VWA5B1: variants seen among roughly 807,000 people sequenced by gnomAD.
VWA5B1 encodes von Willebrand factor A domain containing 5B1.
Under a neutral mutation model 118.2 loss-of-function variants are expected in VWA5B1, and 115 were observed. The observed-to-expected ratio is 0.97, with a 90% CI of 0.84 to 1.14. The LOEUF (loss-of-function observed/expected upper bound fraction) is 1.14. Among genes scored for constraint, VWA5B1 ranks in the 50% most tolerant of loss-of-function variants. The pLI, the probability that VWA5B1 is intolerant of heterozygous loss-of-function variation, is 0.00. For missense variants in VWA5B1, 1,596 were observed against 1,603.8 expected, an observed-to-expected ratio of 1.00 and a Z score of 0.08; for synonymous variants, 682 against 658.4, an observed-to-expected ratio of 1.04 and a Z score of -0.55.
chr1:20,305,734 C>A (rs1016857891), intron 1 of VWA5B1, among the ~76,000 whole-genome samples: 2 of 151,872 alleles, frequency 1.3e-5, no homozygotes, highest in Non-Finnish European at 2.9e-5. Context: ...GGTTTGATGG[C>A]CTGTTACAAG....
intron 1 of VWA5B1, among the ~76,000 whole-genome samples, chr1:20,308,156 G>A (rs1487690462): frequency 1.3e-5 from 2 of 152,120 alleles, no homozygotes; most frequent in African/African-American, 2.4e-5. Flanking sequence ...TGCATTATTC[G>A]CTTAGGCTAA....
intron 1 of VWA5B1, among the ~76,000 whole-genome samples, chr1:20,305,521 G>A (rs1292418815): frequency 6.6e-6 from 1 of 152,014 alleles, no homozygotes; most frequent in Non-Finnish European, 1.5e-5. Flanking sequence ...CAAGGAGAAG[G>A]GTTTTGACAG....
chr1:20,327,664 ATGGTGGTGGTGG>A lies in VWA5B1; in HGVS notation c.1144-204_1144-193del, dbSNP rs112567851. Among the ~76,000 whole-genome samples, 383 of 144,936 alleles carry A rather than the reference ATGGTGGTGGTGG, an allele frequency of 2.6e-3. 1 individual carries two copies. The highest frequency in any genetic ancestry group is 0.017 in the Middle Eastern group (5 of 290). ...GACGACGACGACGATGATGATGATG[ATGGTGGTGGTGG>A]TGGTGGTGGTGGTGGTGGTGGCTTT... On this transcript the variant is annotated intron_variant, in intron 8 of 21. Transcript: ENST00000289815.
rs183605496 is a variant in VWA5B1, at chr1:20,333,838, C to T, written c.1758+887C>T. On this transcript the variant is annotated intron_variant, in intron 12 of 21. Transcript: ENST00000289815. ...CCTCTTTCGTGAGTCTGTCCACTCT[C>T]TCTAAAGGATTTCTCATCTTGTTTT... Among the ~76,000 whole-genome samples the T allele has an allele frequency of 3.2e-3, 483 of 152,326 alleles. 2 individuals carry two copies. The highest frequency in any genetic ancestry group is 2.6e-3 in the Non-Finnish European group (180 of 68,022).
intron 1 of VWA5B1, among the ~76,000 whole-genome samples, chr1:20,301,788 T>C (rs2088510140): frequency 7.9e-5 from 12 of 152,190 alleles, no homozygotes; most frequent in Admixed American, 7.8e-4. Context: ...CTTGCAAACA[T>C]GCCCCCAGAA....
chr1:20,299,647 A>G (rs530163311), intron 1 of VWA5B1, among the ~76,000 whole-genome samples: 4 of 152,144 alleles, frequency 2.6e-5, no homozygotes, highest in Non-Finnish European at 5.9e-5. Flanking sequence ...TAAGCGATCC[A>G]CGCACCTCAG....
intron 9 of VWA5B1, among the ~76,000 whole-genome samples, chr1:20,329,145 A>G (rs2089469952): frequency 6.6e-6 from 1 of 152,104 alleles, no homozygotes; most frequent in Non-Finnish European, 1.5e-5. Context: ...TTATTTAGTC[A>G]TCTTTGTATC....
At chr1:20,303,056 C>T (rs2088542131) in intron 1 of VWA5B1, 1 of 152,214 alleles carries the variant, frequency 6.6e-6, no homozygotes, top group African/African-American at 2.4e-5. Flanking sequence ...CAGACCAGAT[C>T]CAGAGAACCT....
chr1:20,309,182 T>TGTGAAGCCAAAGTCGAATCAAG (rs1434236994), intron 1 of VWA5B1, among the ~76,000 whole-genome samples: 8 of 152,114 alleles, frequency 5.3e-5, no homozygotes, highest in Admixed American at 1.3e-4. Context: ...CAAAGGGGGT[T>TGTGAAGCCAAAGTCGAATCAAG]GTGAAGCCAA....
intron 9 of VWA5B1, among the ~76,000 whole-genome samples, chr1:20,329,211 G>T (rs1333508862): frequency 1.3e-5 from 2 of 150,212 alleles, no homozygotes; most frequent in Non-Finnish European, 2.9e-5. Context: ...TAGCCTTGCT[G>T]GCTCAAAAGC....
intron 3 of VWA5B1, among the ~76,000 whole-genome samples, chr1:20,313,227 G>C (rs1465993173): frequency 6.6e-6 from 1 of 152,230 alleles, no homozygotes; most frequent in Non-Finnish European, 1.5e-5. Context: ...CACCTCAAAA[G>C]TGTGAGGCTC....
At chr1:20,345,324 T>C in intron 16 of VWA5B1, 132 bp from the exon 17 acceptor site, 1 of 1,221,604 alleles carries the variant, frequency 8.2e-7, no homozygotes, top group Non-Finnish European at 1.1e-6. Context: ...TGGCAAGCCC[T>C]TGATTTTAAA....
At chr1:20,321,997 G>A (rs2089233303) in intron 7 of VWA5B1, among the ~76,000 whole-genome samples, 1 of 152,190 alleles carries the variant, frequency 6.6e-6, no homozygotes, top group African/African-American at 2.4e-5. Flanking sequence ...ATGGACCACA[G>A]GGAGATAAAA....
At chr1:20,337,998 G>A (rs2089771028) in intron 14 of VWA5B1, 162 bp downstream of exon 14, 2 of 904,616 alleles carry the variant, frequency 2.2e-6, no homozygotes, top group Non-Finnish European at 3.6e-6. Flanking sequence ...TTACCTCCGA[G>A]GACACCTTCC....
At chr1:20,304,762 G>C (rs539255837) in intron 1 of VWA5B1, among the ~76,000 whole-genome samples, 2 of 152,130 alleles carry the variant, frequency 1.3e-5, no homozygotes, top group Non-Finnish European at 2.9e-5. Flanking sequence ...CGGCACAGGA[G>C]ATAGTGTACC....
intron 9 of VWA5B1, 77 bp downstream of exon 9, chr1:20,328,077 A>G (rs576354357): frequency 1.6e-5 from 22 of 1,405,662 alleles, no homozygotes; most frequent in Non-Finnish European, 2.0e-5. Context: ...AGGGGAAAAA[A>G]TAGTTAAAAC....
chr1:20,319,267 C>A, intron 6 of VWA5B1, 115 bp from the exon 7 acceptor site: 1 of 1,439,116 alleles, frequency 6.9e-7, no homozygotes, highest in Non-Finnish European at 9.3e-7. Context: ...GGCTTCCACC[C>A]CGCTTCCAAA....
At chr1:20,317,380 TG>T (rs2089047409) in intron 4 of VWA5B1, 149 bp from the exon 5 acceptor site, 1 of 1,068,162 alleles carries the variant, frequency 9.4e-7, no homozygotes, top group Non-Finnish European at 1.3e-6. Context: ...AGGCTCTCCC[TG>T]GGGTCAGGTT....
At chr1:20,328,121 G>A (rs539196974) in intron 9 of VWA5B1, 121 bp downstream of exon 9, 1 of 899,938 alleles carries the variant, frequency 1.1e-6, no homozygotes, top group South Asian at 1.5e-5. Flanking sequence ...CCTACCCACA[G>A]AGAACCCAGA....
Sources: allele counts gnomAD v4.1 joint callset (sites outside exome capture counted in the v4.1 genomes callset), GRCh38; gene constraint gnomAD v4.1.1; transcripts MANE v1.5; gene names NCBI Gene and HGNC (gene_info 2026-07-23, HGNC 2026-07-21).